Variants in PAMR1 observed in about 807,000 individuals in gnomAD.
PAMR1 encodes the protein inactive serine protease PAMR1.
PAMR1 carries 88 observed loss-of-function variants against 81.8 expected under a neutral mutation model. The ratio of observed to expected loss-of-function variants is 1.08; its 90% CI spans 0.91 to 1.28. The LOEUF is 1.28. Among genes scored for constraint, PAMR1 ranks in the 50% most tolerant of loss-of-function variants. The pLI is 0.00. For missense variants in PAMR1, 935 were observed against 919.7 expected, an observed-to-expected ratio of 1.02 and a Z score of -0.21; for synonymous variants, 336 against 345.3, an observed-to-expected ratio of 0.97 and a Z score of 0.30.
intron 6 of PAMR1, among the ~76,000 whole-genome samples, chr11:35,449,489 T>C (rs930931848): frequency 2.0e-5 from 3 of 152,196 alleles, no homozygotes; most frequent in Non-Finnish European, 2.9e-5. Context: ...AAAGAAGCAG[T>C]CTGGCCACAA....
intron 7 of PAMR1, 52 bp from the exon 8 acceptor site, chr11:35,439,745 A>G (rs769343864): frequency 4.0e-6 from 6 of 1,482,068 alleles, no homozygotes; most frequent in East Asian, 4.5e-5. Flanking sequence ...TTCACTGTTC[A>G]TATCATTCAG....
intron 6 of PAMR1, among the ~76,000 whole-genome samples, chr11:35,446,571 T>A (rs936567409): frequency 6.6e-6 from 1 of 152,218 alleles, no homozygotes; most frequent in African/African-American, 2.4e-5. Context: ...AACTTCTTGA[T>A]TTCTGCCTTA....
In PAMR1 at chr11:35,450,129, C is replaced by CAAAAAAAAA. The variant is rs60887441; in HGVS notation, c.821-8445_821-8437dup. ...AGAAACTTACTTGGCTGCCTCCAGG[C>CAAAAAAAAA]AAAAAAAAAAAAAAAAAAAAAAAAA... is the stretch of plus-strand genomic sequence containing the variant. On this transcript the variant is annotated intron_variant, in intron 6 of 10. Coordinates refer to ENST00000619888, the MANE Select transcript of PAMR1 (RefSeq NM_001001991.3). Among the ~76,000 whole-genome samples, 46 of 43,054 alleles carry CAAAAAAAAA rather than the reference C, an allele frequency of 1.1e-3. 3 individuals are homozygous for CAAAAAAAAA. The highest frequency in any genetic ancestry group is 1.3e-3 in the Non-Finnish European group (34 of 26,850). 28.2% of individuals were successfully genotyped at this position (43,054 alleles called of 152,430 possible). A position where few individuals can be genotyped will look rare whatever the true frequency, so the allele number is the denominator to read the frequency against.
chr11:35,497,176 G>C (rs576886290), intron 1 of PAMR1, among the ~76,000 whole-genome samples: 11 of 151,868 alleles, frequency 7.2e-5, no homozygotes, highest in Non-Finnish European at 1.6e-4. Flanking sequence ...GAAAATAATA[G>C]TAATAATAAC....
chr11:35,518,832 A>G (rs1007640400), intron 1 of PAMR1, among the ~76,000 whole-genome samples: 9 of 152,066 alleles, frequency 5.9e-5, no homozygotes, highest in African/African-American at 2.2e-4. Context: ...CCCACCATCA[A>G]TTCAGTGCAT....
At chr11:35,521,155 A>G (rs1851268368) in intron 1 of PAMR1, among the ~76,000 whole-genome samples, 1 of 152,232 alleles carries the variant, frequency 6.6e-6, no homozygotes, top group Non-Finnish European at 1.5e-5. Context: ...GCTCAAGGGC[A>G]TTCATGAAAG....
chr11:35,432,179 A>C lies in PAMR1; in HGVS notation c.*177T>G, dbSNP rs911833804. On this transcript the variant is annotated 3_prime_UTR_variant, in exon 11 of 11. Coordinates refer to ENST00000619888, the MANE Select transcript of PAMR1 (RefSeq NM_001001991.3). ...CTGTCCTAGTAGTGGACGCGGCATC[A>C]GCCTACCAGCAATGGAGGTCTACTC... The C allele has an allele frequency of 1.6e-6, 1 of 613,518 alleles. No individual in the cohort carries two copies. The highest frequency in any genetic ancestry group is 2.9e-6 in the Non-Finnish European group (1 of 348,840). 38.0% of individuals were successfully genotyped at this position (613,518 alleles called of 1,614,324 possible).
In PAMR1 at chr11:35,434,790, C is replaced by T. The variant is rs747014256; in HGVS notation, c.1348G>A (p.Glu450Lys). Residue 450 changes from glutamate (E) to lysine (K), a missense_variant, in exon 10 of 11, where the codon GAG becomes AAG. Transcript: ENST00000619888. Reference sequence around the variant, plus strand: ...TGGGTCTTTGGAGCAGTGATGTTCTCAATTTTCCCGCAGACTATGGAGAAA... The same window carrying T: ...TGGGTCTTTGGAGCAGTGATGTTCTTAATTTTCCCGCAGACTATGGAGAAA... ...PSCIPICGKIENITAPKTQGL... is the reference protein window; with the variant it reads ...PSCIPICGKIKNITAPKTQGL... 6.2e-7 allele frequency: 1 copy of T among 1,612,690 alleles called. No homozygotes were observed. Among genetic ancestry groups the T allele is most frequent in the South Asian group, 1.1e-5 (1 of 91,050 alleles).
intron 3 of PAMR1, among the ~76,000 whole-genome samples, chr11:35,477,633 T>C (rs895306101): frequency 1.3e-5 from 2 of 152,230 alleles, no homozygotes; most frequent in African/African-American, 4.8e-5. Context: ...TACGGTTTTG[T>C]GAAGCTTAAA....
intron 8 of PAMR1, among the ~76,000 whole-genome samples, 159 bp downstream of exon 8, chr11:35,439,468 C>G (rs1281949858): frequency 6.6e-6 from 1 of 152,172 alleles, no homozygotes; most frequent in Non-Finnish European, 1.5e-5. Context: ...GCTAATAAGC[C>G]TCCATCTAAC....
intron 3 of PAMR1, among the ~76,000 whole-genome samples, chr11:35,488,669 CTTTT>C (rs34053329): frequency 7.0e-5 from 3 of 42,932 alleles, no homozygotes; most frequent in African/African-American, 8.7e-5. Context: ...CAAATCTTGC[CTTTT>C]TTTTTTTTTT....
intron 8 of PAMR1, 113 bp downstream of exon 8, chr11:35,439,514 G>A: frequency 4.6e-6 from 4 of 861,068 alleles, no homozygotes; most frequent in Non-Finnish European, 8.0e-6. Flanking sequence ...AGCACTAAAT[G>A]TCCCTAAGAA....
intron 3 of PAMR1, among the ~76,000 whole-genome samples, chr11:35,490,531 A>T (rs1440367901): frequency 6.6e-6 from 1 of 152,248 alleles, no homozygotes; most frequent in Non-Finnish European, 1.5e-5. Context: ...ATGTGCCTGC[A>T]GTCCCCGTCA....
chr11:35,524,358 A>C (rs1424203176), intron 1 of PAMR1, among the ~76,000 whole-genome samples: 1 of 152,110 alleles, frequency 6.6e-6, no homozygotes, highest in Non-Finnish European at 1.5e-5. Context: ...GACCAAAATG[A>C]AGGGCAGGGG....
At chr11:35,505,958 T>C (rs553873617) in intron 1 of PAMR1, among the ~76,000 whole-genome samples, 30 of 152,230 alleles carry the variant, frequency 2.0e-4, no homozygotes, top group Middle Eastern at 3.4e-3. Context: ...TCCTTTGTGG[T>C]TAAGGGTTAT....
chr11:35,526,198 T>C (rs1240611678), upstream of PAMR1, among the ~76,000 whole-genome samples: 1 of 152,210 alleles, frequency 6.6e-6, no homozygotes, highest in South Asian at 2.1e-4. Context: ...AAGCTTATTA[T>C]CTTTTGCAAC....
rs147642741 is a variant in PAMR1, at chr11:35,436,910, T to C, written c.1101-775A>G. ...GGAGTTAAATTGAATGAGAGAAATG[T>C]AGACATTTTTTTCCTCCAAACATTA... On this transcript the variant is annotated intron_variant, in intron 8 of 10. Coordinates refer to ENST00000619888, the MANE Select transcript of PAMR1 (RefSeq NM_001001991.3). Among the ~76,000 whole-genome samples the C allele has an allele frequency of 3.3e-3, 508 of 152,314 alleles. 3 individuals carry two copies. The highest frequency in any genetic ancestry group is 0.011 in the African/African-American group (476 of 41,568).
chr11:35,510,876 G>A (rs2135418215), intron 1 of PAMR1, among the ~76,000 whole-genome samples: 1 of 152,282 alleles, frequency 6.6e-6, no homozygotes, highest in East Asian at 1.9e-4. Context: ...AAGTATTTTG[G>A]CATCATAAGT....
intron 6 of PAMR1, among the ~76,000 whole-genome samples, chr11:35,460,736 TG>T (rs1424854449): frequency 6.6e-6 from 1 of 152,222 alleles, no homozygotes; most frequent in African/African-American, 2.4e-5. Context: ...GTTGGACATT[TG>T]GGTTGGTTCC....
Sources: gnomAD v4.1 joint callset for allele counts (sites outside exome capture counted in the v4.1 genomes callset) on GRCh38, gnomAD v4.1.1 for gene constraint, MANE v1.5 for transcripts, NCBI Gene and HGNC (gene_info 2026-07-23, HGNC 2026-07-21) for gene names.